DCTN6: variants seen among roughly 807,000 people sequenced by gnomAD.
DCTN6 encodes dynactin subunit 6.
Under a neutral mutation model 25.8 loss-of-function variants are expected in DCTN6, and 15 were observed. The ratio of observed to expected loss-of-function variants is 0.58; its 90% CI spans 0.39 to 0.89. DCTN6 has a LOEUF of 0.89. Ranked by LOEUF, DCTN6 falls within the 40% of genes least tolerant of loss-of-function variation. The pLI is 0.00. For missense variants in DCTN6, 198 were observed against 237.6 expected (o/e 0.83, Z 1.09); for synonymous variants, 64 against 78.3 (o/e 0.82, Z 0.96).
chr8:30,175,557 G>A (rs1054755280), intron 3 of DCTN6, among the ~76,000 whole-genome samples: 1 of 150,586 alleles, frequency 6.6e-6, no homozygotes, highest in Non-Finnish European at 1.5e-5. Context: ...TTTGGTTGTA[G>A]CTGAAATGTT....
intron 2 of DCTN6, chr8:30,165,935 T>C (rs1294263616): frequency 6.6e-6 from 1 of 152,064 alleles, no homozygotes; most frequent in East Asian, 1.9e-4. Context: ...TTCAGTGCCG[T>C]GGTAACTCTT....
intron 1 of DCTN6, among the ~76,000 whole-genome samples, chr8:30,162,429 A>G (rs1803609794): frequency 6.6e-6 from 1 of 152,260 alleles, no homozygotes; most frequent in South Asian, 2.1e-4. Context: ...ACAATTGGAA[A>G]TCAAAATTTT....
rs1803902405 is a variant in DCTN6 at position 30,180,804 on chromosome 8, G to A, written c.474+174G>A. The stretch of plus-strand genomic sequence containing the variant: ...TCTAGCACTTTGGGAGGCCGAGGCA[G>A]GAGGATGACTTGAGGGCAGGAATTT... On this transcript the variant is annotated intron_variant, in intron 6 of 6. Coordinates refer to ENST00000221114, the MANE Select transcript of DCTN6 (RefSeq NM_006571.4). 10 of 755,396 alleles carry A rather than the reference G, an allele frequency of 1.3e-5. No homozygotes were observed. The South Asian group carries it at 1.9e-4, about 14-fold the overall frequency. 46.8% of individuals were successfully genotyped at this position (755,396 alleles called of 1,614,324 possible).
At position 30,180,612 on chromosome 8, in the gene DCTN6, G is replaced by A; in HGVS notation, c.456G>A (p.Val152=). The A allele has an allele frequency of 1.2e-6, 2 of 1,614,086 alleles. No homozygotes were observed. Among genetic ancestry groups the A allele is most frequent in the Non-Finnish European group, 1.7e-6 (2 of 1,180,010 alleles). Residue 152 remains valine (V), a synonymous_variant, in exon 6 of 7, where the codon GTG becomes GTA. Transcript: ENST00000221114. The stretch of plus-strand genomic sequence containing the variant: ...ATGGTGCAGACTGCCTTCGTCGGGT[G>A]CAGACTGAGCGACCGCAGGTACTAG... ...VIYGADCLRR[V]QTERPQPQTL...
chr8:30,171,801 G>A (rs1183882671), intron 2 of DCTN6, among the ~76,000 whole-genome samples: 1 of 152,090 alleles, frequency 6.6e-6, no homozygotes, highest in African/African-American at 2.4e-5. Context: ...CATTTTTTAA[G>A]AACCATGGTC....
At chr8:30,181,170 A>G (rs1803906636) in intron 6 of DCTN6, 1 of 152,724 alleles carries the variant, frequency 6.5e-6, no homozygotes, top group Non-Finnish European at 1.5e-5. Flanking sequence ...GATGACAATG[A>G]CAAGTCAGTT....
intron 1 of DCTN6, among the ~76,000 whole-genome samples, chr8:30,157,629 G>C (rs1362658965): frequency 6.6e-6 from 1 of 152,208 alleles, no homozygotes; most frequent in Non-Finnish European, 1.5e-5. Flanking sequence ...GAGTGGACAA[G>C]CTCCTTTGTA....
intron 2 of DCTN6, among the ~76,000 whole-genome samples, chr8:30,171,843 A>C (rs975032698): frequency 6.6e-6 from 1 of 152,202 alleles, no homozygotes; most frequent in African/African-American, 2.4e-5. Context: ...CAAACATTTC[A>C]TATAATCCAC....
At chr8:30,163,014 G>T (rs1054713242) in intron 1 of DCTN6, among the ~76,000 whole-genome samples, 27 of 150,558 alleles carry the variant, frequency 1.8e-4, no homozygotes, top group Non-Finnish European at 3.4e-4. Flanking sequence ...AAGAGATGAG[G>T]TCGCCGGGCA....
intron 4 of DCTN6, chr8:30,177,503 T>TC: frequency 5.1e-6 from 1 of 195,388 alleles, no homozygotes; most frequent in South Asian, 1.1e-4. Context: ...GGCCAGGAGT[T>TC]CAAGACCAGC....
At chr8:30,173,185 C>T (rs1182145042) in intron 2 of DCTN6, among the ~76,000 whole-genome samples, 1 of 152,046 alleles carries the variant, frequency 6.6e-6, no homozygotes, top group Non-Finnish European at 1.5e-5. Flanking sequence ...GTTTTAGGCC[C>T]CCGCCCTCAT....
chr8:30,161,908 C>T (rs1046539487), intron 1 of DCTN6, among the ~76,000 whole-genome samples: 23 of 150,680 alleles, frequency 1.5e-4, no homozygotes, highest in Admixed American at 3.3e-4. Flanking sequence ...CCACCACGCC[C>T]GGCTAATTTT....
chr8:30,171,308 G>A (rs1025302782), intron 2 of DCTN6, among the ~76,000 whole-genome samples: 8 of 151,910 alleles, frequency 5.3e-5, no homozygotes, highest in African/African-American at 1.9e-4. Flanking sequence ...AGAGTACAGT[G>A]GTACAATCAT....
At chr8:30,178,526 A>G (rs1384683219) in intron 4 of DCTN6, among the ~76,000 whole-genome samples, 7 of 151,992 alleles carry the variant, frequency 4.6e-5, no homozygotes, top group Non-Finnish European at 1.0e-4. Context: ...AAAACATACT[A>G]TAGTAGAAAA....
Position 30,156,458 on chromosome 8 carries a change from A to G in DCTN6, c.23+52A>G, listed in dbSNP as rs759237655. The G allele has an allele frequency of 3.2e-6, 5 of 1,571,226 alleles. No homozygotes were observed. The South Asian group carries it at 5.8e-5, about 18-fold the overall frequency. On this transcript the variant is annotated intron_variant, in intron 1 of 6. Coordinates refer to ENST00000221114, the MANE Select transcript of DCTN6 (RefSeq NM_006571.4). ...TTTCTCAGCTTTCCGTAGGGGTGGA[A>G]CCTGTTCCTGGTCGCCAATGGTGGC...
At chr8:30,182,345 A>G (rs901154650) in intron 6 of DCTN6, among the ~76,000 whole-genome samples, 1 of 152,208 alleles carries the variant, frequency 6.6e-6, no homozygotes, top group Non-Finnish European at 1.5e-5. Flanking sequence ...CAGTACTGGT[A>G]TATGAAGAGT....
At chr8:30,165,493 A>G (rs535157931) in intron 2 of DCTN6, among the ~76,000 whole-genome samples, 3 of 151,452 alleles carry the variant, frequency 2.0e-5, no homozygotes, top group Admixed American at 2.0e-4. Flanking sequence ...AAAAAAATCT[A>G]AGCCTCCAAA....
At position 30,164,119 on chromosome 8, in the gene DCTN6, T is replaced by C; in HGVS notation, c.32T>C (p.Ile11Thr). The change falls in exon 2 of 7, where the codon ATT becomes ACT. Residue 11 changes from isoleucine (I) to threonine (T), a missense_variant. Transcript: ENST00000221114. The stretch of plus-strand genomic sequence containing the variant: ...CCTTTTTCTTGCTACAGTGTGAAGA[T>C]TGCTCCTGGAGCAGTTGTATGTGTA... MAEKTQKSVKIAPGAVVCVES... is the reference protein window; with the variant it reads MAEKTQKSVKTAPGAVVCVES... 1 of 1,613,776 alleles carries C rather than the reference T, an allele frequency of 6.2e-7. No individual in the cohort carries two copies. Among genetic ancestry groups the C allele is most frequent in the African/African-American group, 1.3e-5 (1 of 75,038 alleles).
intron 3 of DCTN6, 34 bp downstream of exon 3, chr8:30,175,224 C>T: frequency 6.4e-7 from 1 of 1,573,012 alleles, no homozygotes; most frequent in Non-Finnish European, 8.7e-7. Flanking sequence ...AACCAAGTAC[C>T]ATGGGTAACG....
Sources: allele counts gnomAD v4.1 joint callset (sites outside exome capture counted in the v4.1 genomes callset), GRCh38; gene constraint gnomAD v4.1.1; transcripts MANE v1.5; gene names NCBI Gene and HGNC (gene_info 2026-07-23, HGNC 2026-07-21).